The following FLT1 variants were observed in gnomAD, a reference collection of about 807,000 sequenced individuals.
FLT1 encodes fms related receptor tyrosine kinase 1.
FLT1 carries 49 observed loss-of-function variants against 156.3 expected under a neutral mutation model. The ratio of observed to expected loss-of-function variants is 0.31; its 90% CI spans 0.25 to 0.40. FLT1 has a LOEUF of 0.40. FLT1 is among the 10% of genes least tolerant of loss of function. The probability of loss-of-function intolerance (pLI) is 1.00; values close to 1 mark genes in which losing one functional copy is unlikely to be tolerated. For synonymous variants in FLT1, 594 were observed against 583.8 expected (o/e 1.02, Z -0.25); for missense variants, 1,322 against 1,637.2 (o/e 0.81, Z 3.32).
At chr13:28,343,684 C>G (rs1872439930) in intron 16 of FLT1, among the ~76,000 whole-genome samples, 1 of 151,186 alleles carries the variant, frequency 6.6e-6, no homozygotes, top group African/African-American at 2.4e-5. Flanking sequence ...GCTTTGTAGC[C>G]CAGGCTGGAG....
At chr13:28,316,608 G>A (rs1001362988) in intron 25 of FLT1, among the ~76,000 whole-genome samples, 2 of 151,546 alleles carry the variant, frequency 1.3e-5, no homozygotes, top group African/African-American at 4.8e-5. Flanking sequence ...GGCAGCTTCA[G>A]ACAGCTGCTG....
chr13:28,487,807 C>A (rs1017163014), intron 1 of FLT1, among the ~76,000 whole-genome samples: 2 of 151,974 alleles, frequency 1.3e-5, no homozygotes, highest in African/African-American at 4.8e-5. Context: ...TGGTGAAAAC[C>A]TGGCTATTTA....
chr13:28,493,658 G>A (rs1002301651), intron 1 of FLT1, among the ~76,000 whole-genome samples: 6 of 152,136 alleles, frequency 3.9e-5, no homozygotes, highest in Non-Finnish European at 7.3e-5. Flanking sequence ...AAGGCGCTCC[G>A]AAATCTGGCT....
chr13:28,338,935 A>G (rs1872223191), intron 17 of FLT1, among the ~76,000 whole-genome samples: 1 of 152,130 alleles, frequency 6.6e-6, no homozygotes, highest in Non-Finnish European at 1.5e-5. Context: ...CTGCTCAGAG[A>G]AGGTGCCTAA....
chr13:28,349,751 T>A (rs1389222859), intron 15 of FLT1, among the ~76,000 whole-genome samples: 1 of 152,162 alleles, frequency 6.6e-6, no homozygotes, highest in East Asian at 1.9e-4. Flanking sequence ...CAAGCAAAAT[T>A]CATTTCAGTG....
chr13:28,482,930 G>A (rs1361194822), intron 1 of FLT1, among the ~76,000 whole-genome samples: 1 of 152,230 alleles, frequency 6.6e-6, no homozygotes, highest in Non-Finnish European at 1.5e-5. Flanking sequence ...GGGAGCTTGA[G>A]TGGCTGAACC....
At chr13:28,363,224 T>C (rs1304238260) in intron 14 of FLT1, among the ~76,000 whole-genome samples, 1 of 152,222 alleles carries the variant, frequency 6.6e-6, no homozygotes, top group Non-Finnish European at 1.5e-5. Context: ...AGTTTAATTT[T>C]AATTTTTTTG....
At chr13:28,412,423 CTCTT>C (rs1168186332) in intron 10 of FLT1, among the ~76,000 whole-genome samples, 8 of 51,014 alleles carry the variant, frequency 1.6e-4, no homozygotes, top group Non-Finnish European at 2.4e-4. Flanking sequence ...CTTTCTCTCT[CTCTT>C]TCTTTCTTTT....
chr13:28,440,214 T>C (rs1420475585), intron 3 of FLT1, among the ~76,000 whole-genome samples: 1 of 152,240 alleles, frequency 6.6e-6, no homozygotes, highest in East Asian at 1.9e-4. Flanking sequence ...CCTTGGATGC[T>C]ACATTCCTAG....
At chr13:28,428,014 A>G (rs1352568924) in intron 8 of FLT1, 93 bp from the exon 9 acceptor site, 1 of 1,069,698 alleles carries the variant, frequency 9.3e-7, no homozygotes, top group East Asian at 2.4e-5. Flanking sequence ...GCTCAAGTTG[A>G]CCAATTTCAA....
At chr13:28,365,709 G>A (rs1429602858) in intron 14 of FLT1, among the ~76,000 whole-genome samples, 1 of 152,154 alleles carries the variant, frequency 6.6e-6, no homozygotes, top group Non-Finnish European at 1.5e-5. Flanking sequence ...TTTAATTGTA[G>A]GCCTGCTTGC....
chr13:28,368,540 TATG>T (rs138306957), intron 14 of FLT1: 17,602 of 1,486,742 alleles, frequency 0.012, 496 homozygotes, highest in African/African-American at 0.11. Flanking sequence ...AAATGGTAGC[TATG>T]ATGATGATGA....
chr13:28,399,433 T>C (rs1875289582), intron 11 of FLT1, among the ~76,000 whole-genome samples: 1 of 152,148 alleles, frequency 6.6e-6, no homozygotes, highest in African/African-American at 2.4e-5. Flanking sequence ...CTATGAGTCA[T>C]GTTTGGGTTT....
At chr13:28,409,579 C>T (rs1459512881) in intron 10 of FLT1, among the ~76,000 whole-genome samples, 4 of 152,066 alleles carry the variant, frequency 2.6e-5, no homozygotes, top group Admixed American at 2.6e-4. Context: ...AAGCAATCTG[C>T]CTGCCTCAGC....
At chr13:28,436,110 C>T (rs1878009499) in intron 4 of FLT1, among the ~76,000 whole-genome samples, 1 of 152,192 alleles carries the variant, frequency 6.6e-6, no homozygotes, top group South Asian at 2.1e-4. Context: ...AGTAGCATTC[C>T]ATTGACAAAG....
chr13:28,450,215 A>T (rs2137584339), intron 3 of FLT1, among the ~76,000 whole-genome samples: 1 of 152,266 alleles, frequency 6.6e-6, no homozygotes, highest in Non-Finnish European at 1.5e-5. Context: ...AAGAATGCTC[A>T]TGTTGATTAG....
intron 1 of FLT1, 105 bp downstream of exon 1, chr13:28,494,675 A>T: frequency 2.3e-6 from 2 of 861,242 alleles, no homozygotes; most frequent in Non-Finnish European, 3.6e-6. Flanking sequence ...TCTCCGGGCT[A>T]CAGCCTCGTC....
At chr13:28,437,402 C>G (rs1878089555) in intron 4 of FLT1, among the ~76,000 whole-genome samples, 2 of 152,296 alleles carry the variant, frequency 1.3e-5, no homozygotes, top group Middle Eastern at 6.8e-3. Flanking sequence ...CTACCAGCAC[C>G]AAACACTTCC....
intron 14 of FLT1, among the ~76,000 whole-genome samples, chr13:28,366,508 T>C (rs1481861797): frequency 2.0e-5 from 3 of 152,152 alleles, no homozygotes; most frequent in Admixed American, 6.5e-5. Flanking sequence ...TTGCTCTTGT[T>C]ATCCAGGCTG....
Sources: allele counts gnomAD v4.1 joint callset (sites outside exome capture counted in the v4.1 genomes callset), GRCh38; gene constraint gnomAD v4.1.1; transcripts MANE v1.5; gene names NCBI Gene and HGNC (gene_info 2026-07-23, HGNC 2026-07-21).